The following ANKS1B variants were observed in gnomAD, a reference collection of about 807,000 sequenced individuals.
ANKS1B encodes the protein ankyrin repeat and sterile alpha motif domain-containing protein 1B.
In ANKS1B, 36 loss-of-function variants were observed where a neutral mutation model predicts 148.3. The ratio of observed to expected loss-of-function variants is 0.24; its 90% CI spans 0.19 to 0.32. ANKS1B has a LOEUF of 0.32. Among genes scored for constraint, ANKS1B ranks in the 10% least tolerant of loss-of-function variants. The pLI is 1.00. For synonymous variants in ANKS1B, 542 were observed against 560.8 expected, an observed-to-expected ratio of 0.97 and a Z score of 0.47; for missense variants, 1,157 against 1,542.6, an observed-to-expected ratio of 0.75 and a Z score of 4.19.
At position 99,952,428 on chromosome 12, in the gene ANKS1B, AACT is replaced by A. The variant is rs1477913531; in HGVS notation, c.134+31673_134+31675del. On this transcript the variant is annotated intron_variant, in intron 1 of 26. Transcript: ENST00000683438. ...GTTCATAATAAATTTTAAATTTCCA[AACT>A]ACTTTCTTGTTATCTAATTTTACCT... Among the ~76,000 whole-genome samples the A allele has an allele frequency of 3.0e-4, 45 of 152,300 alleles. 1 individual carries two copies. Among genetic ancestry groups the A allele is most frequent in the African/African-American group, 1.0e-3 (43 of 41,562 alleles).
intron 12 of ANKS1B, among the ~76,000 whole-genome samples, chr12:99,317,859 G>C (rs2084437796): frequency 1.3e-5 from 2 of 152,114 alleles, no homozygotes; most frequent in African/African-American, 4.8e-5. Flanking sequence ...AGTTTATTGA[G>C]AGTTTTTAGC....
chr12:99,419,876 G>A (rs1317990212), intron 11 of ANKS1B, among the ~76,000 whole-genome samples: 3 of 152,102 alleles, frequency 2.0e-5, no homozygotes, highest in African/African-American at 7.2e-5. Context: ...TGGCTATGTT[G>A]CCAGGTTGGT....
intron 22 of ANKS1B, among the ~76,000 whole-genome samples, chr12:98,787,555 C>T (rs1453378722): frequency 3.3e-5 from 5 of 152,156 alleles, no homozygotes; most frequent in Non-Finnish European, 7.3e-5. Context: ...CTAATGGTTG[C>T]TGAACTCCAT....
chr12:99,181,308 T>C (rs753036305), intron 14 of ANKS1B, among the ~76,000 whole-genome samples: 4 of 152,168 alleles, frequency 2.6e-5, no homozygotes, highest in Admixed American at 6.5e-5. Flanking sequence ...TCTCATAATA[T>C]GTTTTTCTTT....
At chr12:99,016,613 GC>G (rs2099942689) in intron 17 of ANKS1B, among the ~76,000 whole-genome samples, 1 of 152,156 alleles carries the variant, frequency 6.6e-6, no homozygotes, top group Non-Finnish European at 1.5e-5. Flanking sequence ...CCGAGATCAT[GC>G]CACTGCACTC....
At chr12:99,055,727 G>GAGT (rs60100668) in intron 16 of ANKS1B, among the ~76,000 whole-genome samples, 1 of 149,522 alleles carries the variant, frequency 6.7e-6, no homozygotes, top group Admixed American at 6.7e-5. Flanking sequence ...AACTTGGGGG[G>GAGT]GGGGGAGGTG....
intron 16 of ANKS1B, among the ~76,000 whole-genome samples, chr12:99,077,056 C>CA (rs1206547371): frequency 3.9e-5 from 6 of 151,900 alleles, no homozygotes; most frequent in South Asian, 4.2e-4. Context: ...AACAAAAATA[C>CA]AAAAAGCAAA....
chr12:99,512,078 T>C (rs1435812560), intron 9 of ANKS1B, among the ~76,000 whole-genome samples: 1 of 151,998 alleles, frequency 6.6e-6, no homozygotes, highest in Admixed American at 6.6e-5. Flanking sequence ...CTAATTAAAT[T>C]AAAAAGCTTC....
rs373283162 is a variant in ANKS1B, at chr12:99,220,102, C to T, written c.2419+24240G>A. On this transcript the variant is annotated intron_variant, in intron 14 of 26. Transcript: ENST00000683438. ...ACAACCTCCACCTCCCAGGTTCAAT[C>T]GATTCTCCTGCCTCAGCCTCCAGAG... 1.8e-3 allele frequency among the ~76,000 whole-genome samples: 275 copies of T among 152,252 alleles called. 2 individuals are homozygous for T. The highest frequency in any genetic ancestry group is 5.9e-3 in the African/African-American group (247 of 41,566).
intron 11 of ANKS1B, among the ~76,000 whole-genome samples, chr12:99,411,813 T>G (rs1225276173): frequency 6.6e-6 from 1 of 152,228 alleles, no homozygotes; most frequent in Non-Finnish European, 1.5e-5. Context: ...TGGCTTCTAT[T>G]TCTAGAGCTC....
intron 15 of ANKS1B, among the ~76,000 whole-genome samples, chr12:99,088,918 T>A (rs2053039029): frequency 7.3e-6 from 1 of 136,434 alleles, no homozygotes; most frequent in Non-Finnish European, 1.5e-5. Flanking sequence ...CGATCCTGGC[T>A]CACTGCAACC....
rs182733203 is a variant in ANKS1B at position 99,600,785 on chromosome 12, C to T, written c.1272+54282G>A. Among the ~76,000 whole-genome samples the T allele has an allele frequency of 6.2e-4, 94 of 152,090 alleles. 1 individual carries two copies. The highest frequency in any genetic ancestry group is 2.1e-3 in the African/African-American group (89 of 41,506). On this transcript the variant is annotated intron_variant, in intron 9 of 26. Transcript: ENST00000683438. Reference sequence around the variant, plus strand: ...CTTGAGAAAATAGAAGGAATTCTACCTCCTTCTAAACTGTGGTTCCTACCT... The same window carrying T: ...CTTGAGAAAATAGAAGGAATTCTACTTCCTTCTAAACTGTGGTTCCTACCT...
At chr12:99,822,805 T>G (rs2082674032) in intron 2 of ANKS1B, among the ~76,000 whole-genome samples, 1 of 152,182 alleles carries the variant, frequency 6.6e-6, no homozygotes, top group Non-Finnish European at 1.5e-5. Flanking sequence ...ATTTATACCC[T>G]GTAATGGGAA....
intron 11 of ANKS1B, among the ~76,000 whole-genome samples, chr12:99,415,926 A>G (rs1437357308): frequency 6.6e-6 from 1 of 151,758 alleles, no homozygotes; most frequent in Non-Finnish European, 1.5e-5. Flanking sequence ...CTCGTGATCC[A>G]CCCACCTTGG....
chr12:99,466,902 C>T (rs189537826), intron 10 of ANKS1B, among the ~76,000 whole-genome samples: 3,786 of 152,094 alleles, frequency 0.025, 77 homozygotes, highest in South Asian at 0.08. Context: ...CTATTCCAAT[C>T]AATAGAAAAA....
chr12:99,939,591 T>C (rs2094867782), intron 1 of ANKS1B, among the ~76,000 whole-genome samples: 1 of 152,126 alleles, frequency 6.6e-6, no homozygotes, highest in Non-Finnish European at 1.5e-5. Context: ...CATTGTAGTA[T>C]AAATATTTTC....
chr12:99,636,070 AAGAT>A (rs1187733388), intron 9 of ANKS1B, among the ~76,000 whole-genome samples: 3 of 152,132 alleles, frequency 2.0e-5, no homozygotes, highest in African/African-American at 7.2e-5. Context: ...CCACAAAAAA[AAGAT>A]AAATACCAAG....
At chr12:99,759,357 T>G (rs570349686) in intron 8 of ANKS1B, among the ~76,000 whole-genome samples, 1 of 152,086 alleles carries the variant, frequency 6.6e-6, no homozygotes, top group East Asian at 1.9e-4. Flanking sequence ...GATTCTATCA[T>G]AGAGAATCCC....
intron 1 of ANKS1B, among the ~76,000 whole-genome samples, chr12:99,852,879 G>A (rs569000995): frequency 6.6e-6 from 1 of 152,324 alleles, no homozygotes; most frequent in South Asian, 2.1e-4. Flanking sequence ...GGAGGGCACA[G>A]TGTGAGTGAG....
Sources: allele counts gnomAD v4.1 joint callset (sites outside exome capture counted in the v4.1 genomes callset), GRCh38; gene constraint gnomAD v4.1.1; transcripts MANE v1.5; gene names NCBI Gene and HGNC (gene_info 2026-07-23, HGNC 2026-07-21).